POLE: variants seen among roughly 807,000 people sequenced by gnomAD.
POLE encodes the protein DNA polymerase epsilon catalytic subunit A.
Under a neutral mutation model 279.2 loss-of-function variants are expected in POLE, and 188 were observed. That is an observed-to-expected ratio of 0.67 (90% CI 0.60 to 0.76). The LOEUF (loss-of-function observed/expected upper bound fraction) is 0.76. Among genes scored for constraint, POLE ranks in the 30% least tolerant of loss-of-function variants. The pLI, the probability that POLE is intolerant of heterozygous loss-of-function variation, is 0.00. For synonymous variants in POLE, 1,214 were observed against 1,172.5 expected (o/e 1.04, Z -0.72); for missense variants, 2,703 against 3,016.7 (o/e 0.90, Z 2.44).
intron 16 of POLE, among the ~76,000 whole-genome samples, chr12:132,670,679 G>C (rs1054723074): frequency 3.9e-5 from 6 of 151,912 alleles, no homozygotes; most frequent in African/African-American, 7.2e-5. Context: ...TTTTTTAGTA[G>C]AGACGGGGTT....
chr12:132,670,458 A>G (rs2042899741), intron 16 of POLE, among the ~76,000 whole-genome samples: 1 of 151,030 alleles, frequency 6.6e-6, no homozygotes, highest in African/African-American at 2.4e-5. Flanking sequence ...CATGTTGGCC[A>G]GGCTGGTCTC....
chr12:132,649,454 C>T lies in POLE; in HGVS notation c.3857G>A (p.Arg1286His), dbSNP rs771823596. Residue 1286 changes from arginine to histidine, a missense_variant, in exon 31 of 49, where the codon CGC (arginine) becomes CAC (histidine). Transcript: ENST00000320574. ...KKKWQLQARQ[R>H]LARRKRQRLE... ...ACGCTGCCTCTTCCTGCGGGCGAGG[C>T]GCTGCCGGGCCTGCAGCTGCCACTT... The T allele has an allele frequency of 7.6e-5, 122 of 1,612,126 alleles. No individual in the cohort carries two copies. The highest frequency in any genetic ancestry group is 3.4e-4 in the Middle Eastern group (2 of 5,966).
At chr12:132,641,131 C>T in intron 39 of POLE, 1 of 451,468 alleles carries the variant, frequency 2.2e-6, no homozygotes, top group Non-Finnish European at 4.5e-6. Context: ...GGGACAGAGG[C>T]AGAATGCGAA....
At chr12:132,643,047 G>C (rs1369496792) in intron 35 of POLE, 51 bp from the exon 36 acceptor site, 1 of 1,534,514 alleles carries the variant, frequency 6.5e-7, no homozygotes, top group Admixed American at 2.1e-5. Context: ...AGGAAGTGGG[G>C]GCAGCCCTGG....
chr12:132,641,609 C>T (rs1238682539), intron 39 of POLE, 38 bp downstream of exon 39: 8 of 1,557,400 alleles, frequency 5.1e-6, no homozygotes, highest in Middle Eastern at 1.7e-4. Flanking sequence ...GGATAAGACC[C>T]TTCTATTAGT....
chr12:132,647,012 T>C (rs1460473880), intron 32 of POLE, among the ~76,000 whole-genome samples: 1 of 152,116 alleles, frequency 6.6e-6, no homozygotes, highest in African/African-American at 2.4e-5. Context: ...ACAGTTTCAT[T>C]ATAGTTTCTG....
At chr12:132,640,906 C>A in intron 39 of POLE, 1 of 447,394 alleles carries the variant, frequency 2.2e-6, no homozygotes, top group South Asian at 1.6e-5. Context: ...AGTCCTCTCC[C>A]TGCCTCATTT....
chr12:132,636,622 G>A (rs968318633), intron 41 of POLE, among the ~76,000 whole-genome samples: 2 of 152,014 alleles, frequency 1.3e-5, no homozygotes, highest in Non-Finnish European at 1.5e-5. Flanking sequence ...TGGGCATGCT[G>A]GCATGCACCT....
chr12:132,657,985 C>T lies in POLE; in HGVS notation c.3276-15G>A. On this transcript the variant is annotated splice_polypyrimidine_tract_variant and intron_variant, in intron 26 of 48. Transcript: ENST00000320574. ...GTGGGATGGCCCTGGGTAAGGAAGA[C>T]AGGCACACAGCTCAGTAACAGTGAA... 6.6e-7 allele frequency: 1 copy of T among 1,509,452 alleles called. No homozygotes were observed. Among genetic ancestry groups the T allele is most frequent in the Non-Finnish European group, 9.2e-7 (1 of 1,084,718 alleles). The allele number at this position is 1,509,452 out of a possible 1,614,324, so 93.5% of individuals were successfully genotyped here. A position where few individuals can be genotyped will look rare whatever the true frequency, so the allele number is the denominator to read the frequency against.
intron 48 of POLE, 24 bp from the exon 49 acceptor site, chr12:132,624,834 G>A: frequency 1.3e-6 from 2 of 1,593,352 alleles, no homozygotes; most frequent in South Asian, 2.2e-5. Flanking sequence ...CAGGCACAGT[G>A]AGACCCCAGT....
rs1057523210 is a variant in POLE, at chr12:132,632,515, G to A, written c.6137-7C>T. On this transcript the variant is annotated splice_polypyrimidine_tract_variant and splice_region_variant and intron_variant, in intron 44 of 48. Coordinates refer to ENST00000320574, the MANE Select transcript of POLE (RefSeq NM_006231.4). ...TGAGAGAAGGTGATCATTCCTGGAA[G>A]TATAAGGATGCTGAGGGAGGGGTCT... The A allele has an allele frequency of 3.1e-6, 5 of 1,613,580 alleles. No individual in the cohort carries two copies. The highest frequency in any genetic ancestry group is 2.7e-5 in the African/African-American group (2 of 74,914).
chr12:132,667,123 G>C (rs957420492), intron 20 of POLE, among the ~76,000 whole-genome samples: 1 of 152,166 alleles, frequency 6.6e-6, no homozygotes, highest in Non-Finnish European at 1.5e-5. Flanking sequence ...GAATACCATA[G>C]ATGAGAAGGC....
chr12:132,661,377 C>G lies in POLE; in HGVS notation c.2864+150G>C, dbSNP rs1467294465. 2.0e-6 allele frequency: 2 copies of G among 1,000,094 alleles called. No homozygotes were observed. Among genetic ancestry groups the G allele is most frequent in the African/African-American group, 3.2e-5 (2 of 61,670 alleles). 62.0% of individuals were successfully genotyped at this position (1,000,094 alleles called of 1,614,324 possible). A position where few individuals can be genotyped will look rare whatever the true frequency, so the allele number is the denominator to read the frequency against. On this transcript the variant is annotated intron_variant, in intron 24 of 48. Coordinates refer to ENST00000320574, the MANE Select transcript of POLE (RefSeq NM_006231.4). This position sits in a 1 kb window ranked among gnomAD's most constrained non-coding sequence, Gnocchi z 4.1. ...ACAGAGCCAGAATACAGCAGGCGGGCAGACAGAGCTGGTGCAAACGGAATC... is the reference window on the plus strand; with the variant it reads ...ACAGAGCCAGAATACAGCAGGCGGGGAGACAGAGCTGGTGCAAACGGAATC...
chr12:132,677,294 C>G (rs965617701), intron 8 of POLE, 69 bp downstream of exon 8: 11 of 1,069,506 alleles, frequency 1.0e-5, no homozygotes, highest in Non-Finnish European at 1.6e-5. Context: ...ATTCACTCTC[C>G]AGCACTGAAG....
rs2042094205 is a variant in POLE, at chr12:132,639,261, T to C, written c.5416A>G (p.Ile1806Val). The C allele has an allele frequency of 6.2e-7, 1 of 1,613,852 alleles. No individual in the cohort carries two copies. ...KSMVVGWVKE[I>V]TQYHNIYADN... ...GCATAGATGTTGTGGTACTGGGTGATCTCCTTCACCCAGCCCACGACCATG... is the reference window on the plus strand; with the variant it reads ...GCATAGATGTTGTGGTACTGGGTGACCTCCTTCACCCAGCCCACGACCATG... Residue 1806 changes from isoleucine to valine, a missense_variant, in exon 40 of 49, where the codon ATC becomes GTC. Around this residue, in one of 5 missense-constraint regions of POLE, gnomAD observed 1,551 missense variants for 1,686.1 expected, o/e 0.92. Coordinates refer to ENST00000320574, the MANE Select transcript of POLE (RefSeq NM_006231.4). This position sits in a 1 kb window ranked among gnomAD's most constrained non-coding sequence, Gnocchi z 4.7.
chr12:132,642,229 C>A lies in POLE; in HGVS notation c.5121G>T (p.Glu1707Asp), dbSNP rs750460626. The A allele has an allele frequency of 3.1e-6, 5 of 1,609,726 alleles. No individual in the cohort carries two copies. Among genetic ancestry groups the A allele is most frequent in the Non-Finnish European group, 4.2e-6 (5 of 1,177,842 alleles). ...TCTCAACAGTGGCTTGGTCATCGAA[C>A]TCCATGACAAGACAGTTGTCATCAG... Reference protein sequence around the residue: ...KEADDNCLVMEFDDQATVEIN... With the variant: ...KEADDNCLVMDFDDQATVEIN... Residue 1707 changes from glutamate (E) to aspartate (D), a missense_variant, in exon 38 of 49, where the codon GAG (glutamate) becomes GAT (aspartate). Physicochemically the swap from Glu to Asp is conservative, Grantham distance 45. Around this residue, in one of 5 missense-constraint regions of POLE, gnomAD observed 1,551 missense variants for 1,686.1 expected, o/e 0.92. Coordinates refer to ENST00000320574, the MANE Select transcript of POLE (RefSeq NM_006231.4).
rs544223319 is a variant in POLE, at chr12:132,624,754, C to T, written c.6804G>A (p.Ser2268=). 20 of 1,613,734 alleles carry T rather than the reference C, an allele frequency of 1.2e-5. No individual in the cohort carries two copies. The highest frequency in any genetic ancestry group is 4.0e-5 in the African/African-American group (3 of 75,040). The change falls in exon 49 of 49, where the codon TCG becomes TCA. Residue 2268 remains serine (S), a synonymous_variant. Transcript: ENST00000320574. ...FRNIAQHYGM[S]YLLETLEWLL... is the part of the protein sequence containing the mutation. ...GCCACTCCAGGGTCTCCAGGAGGTA[C>T]GACATGCCGTAGTGCTGGGCAATGT...
At chr12:132,638,960 G>C in intron 40 of POLE, 165 bp downstream of exon 40, 1 of 640,488 alleles carries the variant, frequency 1.6e-6, no homozygotes, top group Non-Finnish European at 2.7e-6. Flanking sequence ...CGCTGCAGCA[G>C]CAGCTGCGTG....
chr12:132,679,500 G>GA lies in POLE; in HGVS notation c.574dup (p.Ser192PhefsTer12). The GA allele has an allele frequency of 6.2e-7, 1 of 1,600,460 alleles. No individual in the cohort carries two copies. Among genetic ancestry groups the GA allele is most frequent in the Non-Finnish European group, 8.6e-7 (1 of 1,169,058 alleles). On this transcript the variant is annotated frameshift_variant, in exon 6 of 49. Transcript: ENST00000320574. LOFTEE classifies it high-confidence loss of function. Reference sequence around the variant, plus strand: ...TGCTCACAAGACCAAAGTTTACCTGGAAAGCAGAGCTGTGTACGCGTCGCT... The same window carrying GA: ...TGCTCACAAGACCAAAGTTTACCTGGAAAAGCAGAGCTGTGTACGCGTCGCT...
Sources: gnomAD v4.1 joint callset for allele counts (sites outside exome capture counted in the v4.1 genomes callset) on GRCh38, gnomAD v4.1.1 for gene constraint, gnomAD v4.1.1 regional missense constraint, Gnocchi (gnomAD v3.1) non-coding constraint, MANE v1.5 for transcripts, NCBI Gene and HGNC (gene_info 2026-07-23, HGNC 2026-07-21) for gene names.